The following VPS35L variants were observed in gnomAD, a reference collection of about 807,000 sequenced individuals.
The protein encoded by VPS35L is VPS35 endosomal protein-sorting factor-like.
A neutral mutation model predicts 133.0 loss-of-function variants in VPS35L; 83 were observed. The ratio of observed to expected loss-of-function variants is 0.62; its 90% CI spans 0.52 to 0.75. VPS35L has a LOEUF of 0.75. Ranked by LOEUF, VPS35L falls within the 30% of genes least tolerant of loss-of-function variation. The probability of loss-of-function intolerance (pLI) is 0.00; values close to 1 mark genes in which losing one functional copy is unlikely to be tolerated. For missense variants in VPS35L, 1,083 were observed against 1,206.8 expected (o/e 0.90, Z 1.52); for synonymous variants, 423 against 449.9 (o/e 0.94, Z 0.76).
At chr16:19,592,787 G>A (rs1214576527) in intron 8 of VPS35L, among the ~76,000 whole-genome samples, 3 of 151,406 alleles carry the variant, frequency 2.0e-5, no homozygotes, top group Non-Finnish European at 4.4e-5. Flanking sequence ...CGGGGTTCAA[G>A]TGATTCTCCT....
chr16:19,682,429 A>C (rs758625702), intron 28 of VPS35L, 39 bp downstream of exon 28: 2 of 1,581,820 alleles, frequency 1.3e-6, no homozygotes, highest in Non-Finnish European at 1.7e-6. Flanking sequence ...CTCCGCATGG[A>C]TTTCATGAAA....
At chr16:19,596,121 C>G (rs914487221) in intron 8 of VPS35L, among the ~76,000 whole-genome samples, 1 of 152,138 alleles carries the variant, frequency 6.6e-6, no homozygotes, top group Non-Finnish European at 1.5e-5. Context: ...GTTGTTGTCC[C>G]CATTTTATAG....
At chr16:19,561,314 T>C (rs1376608062) in intron 1 of VPS35L, among the ~76,000 whole-genome samples, 1 of 152,146 alleles carries the variant, frequency 6.6e-6, no homozygotes, top group Non-Finnish European at 1.5e-5. Flanking sequence ...GAGCTTGCAC[T>C]GAGCGGAGAT....
intron 26 of VPS35L, among the ~76,000 whole-genome samples, chr16:19,666,366 C>T (rs1435698026): frequency 6.6e-6 from 1 of 152,128 alleles, no homozygotes; most frequent in African/African-American, 2.4e-5. Flanking sequence ...CAAAGTGTTA[C>T]ATGAAGTTGA....
chr16:19,560,648 T>A (rs1338939010), intron 1 of VPS35L, among the ~76,000 whole-genome samples: 2 of 151,914 alleles, frequency 1.3e-5, no homozygotes, highest in Admixed American at 1.3e-4. Flanking sequence ...ATACAAAAAT[T>A]AGCCAGGCGT....
chr16:19,568,466 C>T (rs1971258727), intron 2 of VPS35L, among the ~76,000 whole-genome samples: 1 of 151,394 alleles, frequency 6.6e-6, no homozygotes, highest in South Asian at 2.1e-4. Flanking sequence ...CATTCGGTCT[C>T]CAGCCCTCTC....
Position 19,633,034 on chromosome 16 carries a change from A to G in VPS35L, c.1555-58A>G, listed in dbSNP as rs1973506585. 10 of 1,341,116 alleles carry G rather than the reference A, an allele frequency of 7.5e-6. No individual in the cohort carries two copies. Among genetic ancestry groups the G allele is most frequent in the East Asian group, 2.3e-5 (1 of 43,500 alleles). 83.1% of individuals were successfully genotyped at this position (1,341,116 alleles called of 1,614,324 possible). ...TACGTTAGTCCTTTCCCCCAGGAAC[A>G]TGGTCAGCAGTTGCCATACAGTGTC... is the stretch of plus-strand genomic sequence containing the variant. On this transcript the variant is annotated intron_variant, in intron 18 of 30. Transcript: ENST00000417362. The surrounding 1 kb of genome is among the most constrained non-coding windows in gnomAD (Gnocchi z 4.1).
intron 4 of VPS35L, among the ~76,000 whole-genome samples, chr16:19,573,832 A>G (rs912002001): frequency 6.6e-6 from 1 of 152,146 alleles, no homozygotes; most frequent in African/African-American, 2.4e-5. Context: ...TAATTAATTA[A>G]TTAATTTAAA....
intron 14 of VPS35L, among the ~76,000 whole-genome samples, chr16:19,621,660 A>G (rs1434003868): frequency 2.0e-5 from 3 of 152,246 alleles, no homozygotes; most frequent in Non-Finnish European, 2.9e-5. Context: ...CTTGCCAAAG[A>G]TAATCAATTC....
intron 7 of VPS35L, among the ~76,000 whole-genome samples, chr16:19,588,497 G>C (rs226873): frequency 0.065 from 9,888 of 152,008 alleles, 735 homozygotes; most frequent in African/African-American, 0.18. Context: ...TGGCCTGGGT[G>C]GTGTAAGTCT....
chr16:19,627,951 A>C, intron 16 of VPS35L, 146 bp downstream of exon 16: 1 of 671,786 alleles, frequency 1.5e-6, no homozygotes, highest in Non-Finnish European at 2.6e-6. Flanking sequence ...ATGGAAGATG[A>C]GTTAGAGGTT....
In VPS35L at chr16:19,700,732, T is replaced by C; in HGVS notation, c.*256T>C. 2 of 430,128 alleles carry C rather than the reference T, an allele frequency of 4.6e-6. No homozygotes were observed. The highest frequency in any genetic ancestry group is 8.3e-6 in the Non-Finnish European group (2 of 241,608). 26.6% of individuals were successfully genotyped at this position (430,128 alleles called of 1,614,324 possible). A position where few individuals can be genotyped will look rare whatever the true frequency, so the allele number is the denominator to read the frequency against. On this transcript the variant is annotated 3_prime_UTR_variant, in exon 31 of 31. Transcript: ENST00000417362. ...TTTGCACAAGTGGCCTTCGGTCTAC[T>C]CAGCCCGATCTGATGGGCCTTTTTA...
chr16:19,597,555 C>T (rs1972256195), intron 8 of VPS35L, among the ~76,000 whole-genome samples: 1 of 152,116 alleles, frequency 6.6e-6, no homozygotes, highest in Non-Finnish European at 1.5e-5. Context: ...CCTTCTGCAG[C>T]TTTTTTGAAT....
chr16:19,681,111 CG>C (rs1975260374), intron 27 of VPS35L, among the ~76,000 whole-genome samples: 1 of 152,224 alleles, frequency 6.6e-6, no homozygotes, highest in South Asian at 2.1e-4. Context: ...AGCACCTGGA[CG>C]TGTGTGCCAG....
chr16:19,573,357 C>T (rs1471341305), intron 4 of VPS35L, 116 bp downstream of exon 4: 9 of 1,218,274 alleles, frequency 7.4e-6, no homozygotes, highest in Non-Finnish European at 1.0e-5. Flanking sequence ...TATTTTTCTA[C>T]TTCTCTTAAA....
At chr16:19,578,720 T>C (rs1971614883) in intron 5 of VPS35L, 1 of 343,494 alleles carries the variant, frequency 2.9e-6, no homozygotes, top group Admixed American at 4.3e-5. Context: ...TAGAAAACAA[T>C]TAGATGACGG....
chr16:19,682,637 G>A (rs557516688), intron 28 of VPS35L, among the ~76,000 whole-genome samples: 3 of 152,266 alleles, frequency 2.0e-5, no homozygotes, highest in East Asian at 1.9e-4. Context: ...CAAGGCAGGC[G>A]GATCACCTGA....
At chr16:19,666,388 T>C (rs1221687112) in intron 26 of VPS35L, among the ~76,000 whole-genome samples, 1 of 152,242 alleles carries the variant, frequency 6.6e-6, no homozygotes. Flanking sequence ...ATGATTATTC[T>C]GAACTTTAAA....
chr16:19,624,489 G>A (rs1217201901), intron 14 of VPS35L, among the ~76,000 whole-genome samples: 1 of 151,988 alleles, frequency 6.6e-6, no homozygotes, highest in Non-Finnish European at 1.5e-5. Context: ...GGAGGCTGAG[G>A]CAGGAGAATC....
Sources: gnomAD v4.1 joint callset for allele counts (sites outside exome capture counted in the v4.1 genomes callset) on GRCh38, gnomAD v4.1.1 for gene constraint, Gnocchi (gnomAD v3.1) non-coding constraint, MANE v1.5 for transcripts, NCBI Gene and HGNC (gene_info 2026-07-23, HGNC 2026-07-21) for gene names.